SPATA13: variants seen among roughly 807,000 people sequenced by gnomAD.
SPATA13 encodes the protein spermatogenesis-associated protein 13.
In SPATA13, 50 loss-of-function variants were observed where a neutral mutation model predicts 104.0. That is an observed-to-expected ratio of 0.48 (90% confidence interval 0.38 to 0.61). The LOEUF (loss-of-function observed/expected upper bound fraction) is 0.61, where lower values mean the gene tolerates loss of function less well. Ranked by LOEUF, SPATA13 falls within the 20% of genes least tolerant of loss-of-function variation. SPATA13 has a pLI of 0.00. For missense variants in SPATA13, 1,524 were observed against 1,690.6 expected (o/e 0.90, Z 1.73); for synonymous variants, 606 against 667.5 (o/e 0.91, Z 1.42).
At chr13:24,295,058 C>T (rs536139342) in intron 10 of SPATA13, among the ~76,000 whole-genome samples, 190 bp downstream of exon 10, 3 of 152,306 alleles carry the variant, frequency 2.0e-5, no homozygotes, top group Admixed American at 2.0e-4. Flanking sequence ...TTATACCCCA[C>T]TCCCATAAGA....
intron 3 of SPATA13, among the ~76,000 whole-genome samples, chr13:24,029,811 T>C (rs1237451719): frequency 5.3e-5 from 8 of 152,058 alleles, no homozygotes; most frequent in African/African-American, 1.7e-4. Flanking sequence ...GTGTGTGTTG[T>C]TCCCCTCTAG....
At chr13:24,147,885 C>T (rs1216692509) in intron 3 of SPATA13, among the ~76,000 whole-genome samples, 1 of 152,156 alleles carries the variant, frequency 6.6e-6, no homozygotes, top group Non-Finnish European at 1.5e-5. Context: ...TTTCATTTAG[C>T]GTAAGGTCCT....
intron 2 of SPATA13, among the ~76,000 whole-genome samples, chr13:24,244,272 A>G (rs965476932): frequency 6.6e-6 from 1 of 152,200 alleles, no homozygotes; most frequent in South Asian, 2.1e-4. Flanking sequence ...TAACTTTATT[A>G]TATCTGCAAA....
In SPATA13 at chr13:24,130,930, G is replaced by A. The variant is rs566561656; in HGVS notation, c.-111-91889G>A. Among the ~76,000 whole-genome samples the A allele has an allele frequency of 1.6e-4, 24 of 152,322 alleles. No homozygotes were observed. In the East Asian group the frequency reaches 4.2e-3, roughly 27 times the overall value. On this transcript the variant is annotated intron_variant, in intron 3 of 14. Transcript: ENST00000424834. The stretch of plus-strand genomic sequence containing the variant: ...TGAAAAGAAAGCTCTGATGAGCTAC[G>A]GAGGAATGAGACAGAGTTCTTACAC...
intron 3 of SPATA13, among the ~76,000 whole-genome samples, chr13:24,067,538 G>T (rs1290858831): frequency 1.3e-5 from 2 of 152,178 alleles, no homozygotes; most frequent in African/African-American, 4.8e-5. Flanking sequence ...AATTCACAGT[G>T]ATAGAGCTGT....
upstream of SPATA13, among the ~76,000 whole-genome samples, chr13:24,158,874 G>A (rs1593366732): frequency 6.6e-6 from 1 of 152,180 alleles, no homozygotes; most frequent in Non-Finnish European, 1.5e-5. Context: ...GGATGCGGGG[G>A]TCTTCAGGTC....
chr13:24,179,364 A>G (rs1235316477), intron 1 of SPATA13, among the ~76,000 whole-genome samples: 1 of 152,204 alleles, frequency 6.6e-6, no homozygotes, highest in South Asian at 2.1e-4. Flanking sequence ...CTATTTCTCA[A>G]GCAGGCATGC....
chr13:24,092,141 G>A (rs749028287), intron 3 of SPATA13, among the ~76,000 whole-genome samples: 1 of 152,184 alleles, frequency 6.6e-6, no homozygotes, highest in Non-Finnish European at 1.5e-5. Flanking sequence ...TGCTTTTATG[G>A]AAGAACAGGT....
At chr13:24,294,661 C>G (rs571109198) in intron 9 of SPATA13, 78 bp from the exon 10 acceptor site, 23 of 1,458,420 alleles carry the variant, frequency 1.6e-5, no homozygotes, top group Non-Finnish European at 2.0e-5. Context: ...TACGAAGAAG[C>G]GCCCCAGTGG....
rs1241516489 is a variant in SPATA13, at chr13:24,246,422, T to C, written c.1654-3055T>C. 2.0e-5 allele frequency among the ~76,000 whole-genome samples: 3 copies of C among 152,372 alleles called. No individual in the cohort carries two copies. The East Asian group carries it at 5.8e-4, about 29-fold the overall frequency. On this transcript the variant is annotated intron_variant, in intron 2 of 12. Transcript: ENST00000382108. Reference sequence around the variant, plus strand: ...GAGGAAAAAAACGTTTCCTCTACACTCTTTGACTCTGTTCTTAAGTCCTGT... The same window carrying C: ...GAGGAAAAAAACGTTTCCTCTACACCCTTTGACTCTGTTCTTAAGTCCTGT...
At chr13:24,124,935 T>C (rs1881160647) in intron 3 of SPATA13, among the ~76,000 whole-genome samples, 1 of 152,300 alleles carries the variant, frequency 6.6e-6, no homozygotes, top group Non-Finnish European at 1.5e-5. Flanking sequence ...CCAAGTCTCA[T>C]TCAGGTCAAG....
chr13:24,028,064 A>G (rs551677954), intron 3 of SPATA13, among the ~76,000 whole-genome samples: 2 of 152,350 alleles, frequency 1.3e-5, no homozygotes, highest in South Asian at 4.1e-4. Flanking sequence ...TTAATTTCCA[A>G]ACATATAGCC....
At chr13:24,167,496 G>A (rs1882789295) in intron 1 of SPATA13, among the ~76,000 whole-genome samples, 1 of 152,190 alleles carries the variant, frequency 6.6e-6, no homozygotes, top group Admixed American at 6.5e-5. Context: ...CAGCAACCTG[G>A]CACCATTTTC....
chr13:23,995,138 C>G (rs1875618777), intron 2 of SPATA13, among the ~76,000 whole-genome samples: 2 of 152,126 alleles, frequency 1.3e-5, no homozygotes, highest in Admixed American at 1.3e-4. Flanking sequence ...GTTCGGGAAC[C>G]CTGACATCCT....
At chr13:24,175,248 TTTGTTG>T (rs950529556) in intron 1 of SPATA13, among the ~76,000 whole-genome samples, 2 of 152,016 alleles carry the variant, frequency 1.3e-5, no homozygotes, top group Non-Finnish European at 2.9e-5. Flanking sequence ...TTAATTTGTT[TTTGTTG>T]TTGTTGTTGT....
At chr13:24,295,001 G>T in intron 10 of SPATA13, 133 bp downstream of exon 10, 1 of 872,224 alleles carries the variant, frequency 1.1e-6, no homozygotes, top group Non-Finnish European at 1.6e-6. Flanking sequence ...TACCATTAAT[G>T]GTAAATGTAT....
intron 1 of SPATA13, among the ~76,000 whole-genome samples, chr13:24,168,844 T>A (rs1354081049): frequency 2.0e-5 from 3 of 152,166 alleles, no homozygotes; most frequent in African/African-American, 7.2e-5. Flanking sequence ...ATTTTAATTT[T>A]AAAAATTTGA....
At chr13:24,098,192 A>G (rs1191694961) in intron 3 of SPATA13, among the ~76,000 whole-genome samples, 1 of 152,226 alleles carries the variant, frequency 6.6e-6, no homozygotes, top group African/African-American at 2.4e-5. Context: ...ATAAAACTCA[A>G]AATGGAAAAA....
chr13:24,130,002 T>C (rs966680882), intron 3 of SPATA13, among the ~76,000 whole-genome samples: 2 of 152,200 alleles, frequency 1.3e-5, no homozygotes, highest in African/African-American at 4.8e-5. Context: ...ATTAGGGAAG[T>C]GCAAAGAGGT....
Sources: allele counts gnomAD v4.1 joint callset (sites outside exome capture counted in the v4.1 genomes callset), GRCh38; gene constraint gnomAD v4.1.1; transcripts MANE v1.5; gene names NCBI Gene and HGNC (gene_info 2026-07-23, HGNC 2026-07-21).